IRAK2: variants seen among roughly 807,000 people sequenced by gnomAD.
IRAK2 encodes the protein interleukin-1 receptor-associated kinase-like 2.
IRAK2 carries 57 observed loss-of-function variants against 72.0 expected under a neutral mutation model. That is an observed-to-expected ratio of 0.79 (90% confidence interval 0.64 to 0.99). The LOEUF (loss-of-function observed/expected upper bound fraction) is 0.99, where lower values mean the gene tolerates loss of function less well. Among genes scored for constraint, IRAK2 ranks in the 50% least tolerant of loss-of-function variants. The pLI is 0.00. For synonymous variants in IRAK2, 293 were observed against 312.7 expected, an observed-to-expected ratio of 0.94 and a Z score of 0.67; for missense variants, 790 against 794.4, an observed-to-expected ratio of 0.99 and a Z score of 0.07.
At chr3:10,172,537 C>CAA (rs71055803) in intron 1 of IRAK2, among the ~76,000 whole-genome samples, 10,533 of 34,842 alleles carry the variant, frequency 0.3, 2,060 homozygotes, top group Non-Finnish European at 0.42. Flanking sequence ...AACTCCGACT[C>CAA]AAAAAAAAAA....
intron 2 of IRAK2, among the ~76,000 whole-genome samples, chr3:10,198,383 G>A (rs1697305424): frequency 6.6e-6 from 1 of 152,212 alleles, no homozygotes; most frequent in African/African-American, 2.4e-5. Flanking sequence ...CTTTGTTCCT[G>A]TTTGTCTGGG....
intron 1 of IRAK2, among the ~76,000 whole-genome samples, chr3:10,169,361 A>T (rs1396069622): frequency 6.6e-6 from 1 of 152,176 alleles, no homozygotes; most frequent in Non-Finnish European, 1.5e-5. Context: ...AGGGCACTGC[A>T]GGAGACCAGG....
At chr3:10,195,191 T>A (rs1197681152) in intron 2 of IRAK2, among the ~76,000 whole-genome samples, 2 of 152,236 alleles carry the variant, frequency 1.3e-5, no homozygotes, top group Non-Finnish European at 2.9e-5. Flanking sequence ...AATGGGTTGG[T>A]GGCCTTGATG....
chr3:10,168,990 C>T (rs565064301), intron 1 of IRAK2, among the ~76,000 whole-genome samples: 7 of 152,246 alleles, frequency 4.6e-5, no homozygotes, highest in South Asian at 4.1e-4. Flanking sequence ...CCCTAAGTGT[C>T]GGCCGGTCTG....
intron 1 of IRAK2, among the ~76,000 whole-genome samples, chr3:10,169,242 G>A (rs978932835): frequency 2.6e-5 from 4 of 152,176 alleles, no homozygotes; most frequent in African/African-American, 9.7e-5. Flanking sequence ...ATGTCCCACT[G>A]GGCACGCATT....
Position 10,224,195 on chromosome 3 carries a change from A to G in IRAK2, c.1209+1364A>G, listed in dbSNP as rs534819180. On this transcript the variant is annotated intron_variant, in intron 9 of 12. Coordinates refer to ENST00000256458, the MANE Select transcript of IRAK2 (RefSeq NM_001570.4). ...CTACTAAAAATACAAAAATTAGCTGAGTGTGGTGGCATGTGCCTGTAATCG... is the reference window on the plus strand; with the variant it reads ...CTACTAAAAATACAAAAATTAGCTGGGTGTGGTGGCATGTGCCTGTAATCG... Among the ~76,000 whole-genome samples, 4 of 151,988 alleles carry G rather than the reference A, an allele frequency of 2.6e-5. No individual in the cohort carries two copies. The South Asian group carries it at 8.3e-4, about 32-fold the overall frequency.
At chr3:10,204,864 C>T (rs1193252428) in intron 3 of IRAK2, among the ~76,000 whole-genome samples, 1 of 152,166 alleles carries the variant, frequency 6.6e-6, no homozygotes, top group East Asian at 1.9e-4. Flanking sequence ...CTTGATCTGA[C>T]CTCTGATTAG....
chr3:10,177,815 A>G, intron 1 of IRAK2, 23 bp from the exon 2 acceptor site: 2 of 1,607,584 alleles, frequency 1.2e-6, no homozygotes, highest in East Asian at 2.2e-5. Flanking sequence ...GACTCTAAGC[A>G]GAGTTCTCTC....
At chr3:10,234,081 C>T (rs1194149802) in intron 10 of IRAK2, among the ~76,000 whole-genome samples, 2 of 152,198 alleles carry the variant, frequency 1.3e-5, no homozygotes, top group South Asian at 2.1e-4. Context: ...CAGGCTGGCT[C>T]GAACTCCTGA....
intron 7 of IRAK2, among the ~76,000 whole-genome samples, chr3:10,217,476 A>C (rs993770686): frequency 6.6e-6 from 1 of 152,210 alleles, no homozygotes; most frequent in Non-Finnish European, 1.5e-5. Flanking sequence ...CAAGAAAAAG[A>C]ATTAAGAGGT....
intron 3 of IRAK2, among the ~76,000 whole-genome samples, chr3:10,202,569 G>A (rs1262514219): frequency 6.6e-6 from 1 of 152,134 alleles, no homozygotes; most frequent in Non-Finnish European, 1.5e-5. Context: ...GTTGCAGTGA[G>A]CTGAGATCGT....
At chr3:10,201,677 G>A (rs184574482) in intron 3 of IRAK2, among the ~76,000 whole-genome samples, 1 of 152,344 alleles carries the variant, frequency 6.6e-6, no homozygotes, top group East Asian at 1.9e-4. Context: ...GGCTCAGCCA[G>A]CAGATGACCT....
intron 11 of IRAK2, among the ~76,000 whole-genome samples, chr3:10,238,163 C>T (rs1040878241): frequency 8.6e-5 from 13 of 152,030 alleles, no homozygotes; most frequent in African/African-American, 2.4e-4. Context: ...AGTGAATTAG[C>T]GAATGAATGA....
At chr3:10,169,179 G>A (rs983224953) in intron 1 of IRAK2, among the ~76,000 whole-genome samples, 37 of 152,048 alleles carry the variant, frequency 2.4e-4, no homozygotes, top group African/African-American at 8.5e-4. Flanking sequence ...TTCTTCAAAG[G>A]GCAATAAAAG....
intron 12 of IRAK2, among the ~76,000 whole-genome samples, chr3:10,241,443 C>T (rs193085244): frequency 0.01 from 1,542 of 150,480 alleles, 22 homozygotes; most frequent in African/African-American, 0.036. Context: ...CCTATAATCC[C>T]AGCTACTCAG....
intron 10 of IRAK2, among the ~76,000 whole-genome samples, chr3:10,233,734 C>A (rs1486091205): frequency 1.3e-5 from 2 of 152,106 alleles, no homozygotes; most frequent in Admixed American, 1.3e-4. Context: ...TAAATGGTAG[C>A]TATTATTACT....
intron 12 of IRAK2, among the ~76,000 whole-genome samples, chr3:10,240,781 A>T (rs1698046122): frequency 6.7e-6 from 1 of 149,788 alleles, no homozygotes; most frequent in Non-Finnish European, 1.5e-5. Context: ...CTGGTCTTGA[A>T]CTCCCAACCT....
chr3:10,219,403 C>T (rs1346805766), intron 7 of IRAK2, among the ~76,000 whole-genome samples: 2 of 151,968 alleles, frequency 1.3e-5, no homozygotes, highest in African/African-American at 4.8e-5. Context: ...ACTGCAAGCT[C>T]TGCCTCCTGG....
In IRAK2 at chr3:10,213,300, G is replaced by C; in HGVS notation, c.622G>C (p.Asp208His). 1 of 1,614,124 alleles carries C rather than the reference G, an allele frequency of 6.2e-7. No individual in the cohort carries two copies. Among genetic ancestry groups the C allele is most frequent in the South Asian group, 1.1e-5 (1 of 91,078 alleles). ...TGAGGCAGACGTGGTCCAGGCAACC[G>C]ATGACTTCAATCAAAACCGCAAAAT... is the stretch of plus-strand genomic sequence containing the variant. ...WSEADVVQAT[D>H]DFNQNRKISQ... is the part of the protein sequence containing the mutation. Residue 208 changes from aspartate to histidine, a missense_variant, in exon 5 of 13, where the codon GAT becomes CAT. Physicochemically the swap from Asp to His is moderately conservative, Grantham distance 81 (BLOSUM62 -1). Transcript: ENST00000256458.
Sources: allele counts gnomAD v4.1 joint callset (sites outside exome capture counted in the v4.1 genomes callset), GRCh38; gene constraint gnomAD v4.1.1; transcripts MANE v1.5; gene names NCBI Gene and HGNC (gene_info 2026-07-23, HGNC 2026-07-21).